AP3M2: variants seen among roughly 807,000 people sequenced by gnomAD.
AP3M2 encodes the protein adaptor related protein complex 3 subunit mu 2, also known as AP-3 complex subunit mu-2.
A neutral mutation model predicts 41.6 loss-of-function variants in AP3M2; 28 were observed. The ratio of observed to expected loss-of-function variants is 0.67; its 90% CI spans 0.50 to 0.92. The LOEUF (loss-of-function observed/expected upper bound fraction) is 0.92. AP3M2 is among the 40% of genes least tolerant of loss of function. AP3M2 has a pLI of 0.00. For missense variants in AP3M2, 427 were observed against 521.4 expected, an observed-to-expected ratio of 0.82 and a Z score of 1.76; for synonymous variants, 193 against 186.4, an observed-to-expected ratio of 1.04 and a Z score of -0.29.
At chr8:42,155,540 G>A (rs956247002) in intron 2 of AP3M2, among the ~76,000 whole-genome samples, 1 of 152,172 alleles carries the variant, frequency 6.6e-6, no homozygotes, top group Non-Finnish European at 1.5e-5. Context: ...TTATGAGGCA[G>A]TTTTCATTTT....
Position 42,153,106 on chromosome 8 carries a change from G to GT in AP3M2, c.-73+2dup, listed in dbSNP as rs1804250379. ...TGGGCGCTGAGAGCAGCAAGGCCAG[G>GT]TGAGGAGTAGGGACGACCCCGAGCC... On this transcript the variant is annotated splice_donor_variant, in intron 1 of 8. Transcript: ENST00000396926. LOFTEE classifies it low-confidence loss of function (5UTR_SPLICE). 6.6e-6 allele frequency: 1 copy of GT among 152,128 alleles called. No homozygotes were observed. Among genetic ancestry groups the GT allele is most frequent in the South Asian group, 2.1e-4 (1 of 4,808 alleles). The allele number at this position is 152,128 out of a possible 1,614,324, so 9.4% of individuals were successfully genotyped here.
At chr8:42,156,204 A>C (rs536256876) in intron 2 of AP3M2, among the ~76,000 whole-genome samples, 1 of 152,232 alleles carries the variant, frequency 6.6e-6, no homozygotes, top group Admixed American at 6.5e-5. Flanking sequence ...GGCCATACTA[A>C]TGTAACTTAT....
rs573751138 is a variant in AP3M2 at position 42,156,201 on chromosome 8, C to G, written c.273+1241C>G. 3.9e-5 allele frequency among the ~76,000 whole-genome samples: 6 copies of G among 152,266 alleles called. No individual in the cohort carries two copies. In the East Asian group the frequency reaches 7.7e-4, roughly 20 times the overall value. ...AACTGACAGCCGCTATATGGCCATA[C>G]TAATGTAACTTATTACAAGACAGGA... On this transcript the variant is annotated intron_variant, in intron 2 of 8. Coordinates refer to ENST00000396926, the MANE Select transcript of AP3M2 (RefSeq NM_006803.4).
chr8:42,162,928 A>ATAGT (rs1804544304), intron 4 of AP3M2, among the ~76,000 whole-genome samples: 2 of 142,336 alleles, frequency 1.4e-5, no homozygotes, highest in African/African-American at 5.4e-5. Flanking sequence ...CCTGGGCAAC[A>ATAGT]GCAAGACCCT....
At chr8:42,155,731 A>G (rs1351506885) in intron 2 of AP3M2, 2 of 235,868 alleles carry the variant, frequency 8.5e-6, no homozygotes, top group Non-Finnish European at 1.7e-5. Flanking sequence ...GGTTATTTGC[A>G]TAACTCAAAT....
chr8:42,154,351 C>T (rs959393563), intron 1 of AP3M2: 41 of 202,912 alleles, frequency 2.0e-4, no homozygotes, highest in Non-Finnish European at 3.9e-4. Flanking sequence ...GTTTGCGGTT[C>T]GGTTGAGAAA....
rs1198475667 is a variant in AP3M2, at chr8:42,169,250, A to C, written c.*189A>C. ...AAGGTCACCAGGGAGAACTGGACAG[A>C]ACTGAAACACAGCAACACCAGTTCT... On this transcript the variant is annotated 3_prime_UTR_variant, in exon 9 of 9. Coordinates refer to ENST00000396926, the MANE Select transcript of AP3M2 (RefSeq NM_006803.4). 6.1e-6 allele frequency: 3 copies of C among 490,472 alleles called. No individual in the cohort carries two copies. In the East Asian group the frequency reaches 1.1e-4, roughly 17 times the overall value. The allele number at this position is 490,472 out of a possible 1,614,324, so 30.4% of individuals were successfully genotyped here.
chr8:42,168,272 C>T (rs370107681), intron 8 of AP3M2: 4 of 456,098 alleles, frequency 8.8e-6, no homozygotes, highest in South Asian at 4.7e-5. Flanking sequence ...TAGTCTGTGC[C>T]GACCTTAGCA....
intron 1 of AP3M2, 51 bp from the exon 2 acceptor site, chr8:42,154,565 G>C: frequency 7.1e-7 from 1 of 1,404,266 alleles, no homozygotes; most frequent in Non-Finnish European, 9.5e-7. Context: ...GGAAAAGATG[G>C]GGAGGGCCTT....
At chr8:42,155,171 C>T (rs7819103) in intron 2 of AP3M2, among the ~76,000 whole-genome samples, 9,770 of 152,156 alleles carry the variant, frequency 0.064, 1,004 homozygotes, top group African/African-American at 0.22. Context: ...GAACCTCTTG[C>T]GTGGGAAAGT....
chr8:42,165,148 T>A lies in AP3M2; in HGVS notation c.661T>A (p.Ser221Thr), dbSNP rs770752372. 1 of 1,613,816 alleles carries A rather than the reference T, an allele frequency of 6.2e-7. No individual in the cohort carries two copies. Residue 221 changes from serine to threonine, a missense_variant, in exon 5 of 9, where the codon TCC becomes ACC. By Grantham distance (58) the Ser-to-Thr change is moderately conservative. This residue lies in a region of AP3M2 where 237 missense variants were observed against 284.9 expected (regional missense o/e 0.83). Transcript: ENST00000396926. ...GACTGGCATGCCAGACCTTACACTT[T>A]CCTTCATGGTAAAATCCTGGGCCAG... The part of the protein sequence containing the change: ...KLTGMPDLTL[S>T]FMNPRLLDDV...
At chr8:42,158,136 A>G in intron 3 of AP3M2, 24 bp downstream of exon 3, 1 of 1,604,288 alleles carries the variant, frequency 6.2e-7, no homozygotes, top group South Asian at 1.1e-5. Context: ...GGAAACTGAT[A>G]GATAGTGGCC....
intron 2 of AP3M2, 90 bp downstream of exon 2, chr8:42,155,050 TA>T (rs888746844): frequency 0.01 from 9,681 of 922,578 alleles, no homozygotes; most frequent in South Asian, 0.013. Context: ...TTAAGAAACT[TA>T]AAAAAAAAAA....
chr8:42,160,430 T>G (rs893117013), intron 3 of AP3M2, among the ~76,000 whole-genome samples: 1 of 152,178 alleles, frequency 6.6e-6, no homozygotes, highest in Admixed American at 6.5e-5. Context: ...AACTATATTG[T>G]ATTAGGGCAG....
intron 3 of AP3M2, among the ~76,000 whole-genome samples, chr8:42,160,276 A>G (rs937929300): frequency 5.9e-5 from 9 of 152,218 alleles, no homozygotes; most frequent in Non-Finnish European, 1.3e-4. Flanking sequence ...AAGTTTGGGT[A>G]GTTTTTAAAA....
chr8:42,162,173 T>TA (rs1368999434), intron 3 of AP3M2, 108 bp from the exon 4 acceptor site: 17 of 1,114,336 alleles, frequency 1.5e-5, no homozygotes, highest in Admixed American at 2.8e-5. Context: ...TTTGAAAAAT[T>TA]CTTCAATTGA....
At chr8:42,154,550 T>C in intron 1 of AP3M2, 66 bp from the exon 2 acceptor site, 1 of 1,287,272 alleles carries the variant, frequency 7.8e-7, no homozygotes, top group Non-Finnish European at 1.1e-6. Context: ...AGTCTTGGAC[T>C]GTTGGGAAAA....
Position 42,169,328 on chromosome 8 carries a change from T to G in AP3M2, c.*267T>G, listed in dbSNP as rs1804731055. The G allele has an allele frequency of 3.4e-6, 1 of 290,422 alleles. No individual in the cohort carries two copies. The highest frequency in any genetic ancestry group is 5.1e-5 in the Admixed American group (1 of 19,496). 18.0% of individuals were successfully genotyped at this position (290,422 alleles called of 1,614,324 possible). ...GAAGCTTGGTGCTTATGTAACCATT[T>G]TAAACGTGGTTTCTATAGGAAAGAC... On this transcript the variant is annotated 3_prime_UTR_variant, in exon 9 of 9. Transcript: ENST00000396926.
chr8:42,167,604 G>A (rs933473552), intron 7 of AP3M2, 62 bp from the exon 8 acceptor site: 17 of 1,563,510 alleles, frequency 1.1e-5, no homozygotes, highest in Non-Finnish European at 1.5e-5. Context: ...CACCTCAAAT[G>A]CAGGATTCTG....
Sources: allele counts gnomAD v4.1 joint callset (sites outside exome capture counted in the v4.1 genomes callset), GRCh38; gene constraint gnomAD v4.1.1; regional missense constraint gnomAD v4.1.1; transcripts MANE v1.5; gene names NCBI Gene and HGNC (gene_info 2026-07-23, HGNC 2026-07-21).